The following TCEA3 variants were observed in gnomAD, a reference collection of about 807,000 sequenced individuals.
The protein encoded by TCEA3 is transcription elongation factor A protein 3.
Under a neutral mutation model 44.0 loss-of-function variants are expected in TCEA3, and 36 were observed. The observed-to-expected ratio is 0.82, with a 90% CI of 0.63 to 1.08. The LOEUF (loss-of-function observed/expected upper bound fraction) is 1.08. Among genes scored for constraint, TCEA3 ranks in the 50% least tolerant of loss-of-function variants. The probability of loss-of-function intolerance (pLI) is 0.00; values close to 1 mark genes in which losing one functional copy is unlikely to be tolerated. For missense variants in TCEA3, 392 were observed against 441.2 expected (o/e 0.89, Z 1.00); for synonymous variants, 162 against 159.7 (o/e 1.01, Z -0.11).
chr1:23,403,753 T>C (rs1639462861), intron 5 of TCEA3: 1 of 245,474 alleles, frequency 4.1e-6, no homozygotes, highest in Admixed American at 4.8e-5. Flanking sequence ...ACTGTGTCTT[T>C]AAAAGAGAGG....
chr1:23,416,021 T>C (rs953752979), intron 4 of TCEA3, among the ~76,000 whole-genome samples: 1 of 136,614 alleles, frequency 7.3e-6, no homozygotes, highest in Non-Finnish European at 1.5e-5. Context: ...TTTTTTTTTT[T>C]GTGAGACGGA....
chr1:23,413,224 C>T (rs1324470973), intron 4 of TCEA3, among the ~76,000 whole-genome samples: 1 of 151,854 alleles, frequency 6.6e-6, no homozygotes, highest in East Asian at 1.9e-4. Flanking sequence ...GCAACCTCCT[C>T]CTCCCAGGCT....
chr1:23,403,948 G>A (rs1216707915), intron 5 of TCEA3: 1 of 594,776 alleles, frequency 1.7e-6, no homozygotes, highest in East Asian at 2.8e-5. Flanking sequence ...ACACGCCTGG[G>A]AACTGAGCCA....
chr1:23,405,690 A>G (rs1237447399), intron 5 of TCEA3, among the ~76,000 whole-genome samples: 2 of 152,120 alleles, frequency 1.3e-5, no homozygotes, highest in Non-Finnish European at 2.9e-5. Context: ...TTCTGGAAGG[A>G]CAAACAGATT....
At chr1:23,413,336 G>A (rs1205770205) in intron 4 of TCEA3, among the ~76,000 whole-genome samples, 1 of 151,416 alleles carries the variant, frequency 6.6e-6, no homozygotes, top group Non-Finnish European at 1.5e-5. Flanking sequence ...ATAGGGTTTC[G>A]CCATTGGTCT....
intron 4 of TCEA3, 134 bp from the exon 5 acceptor site, chr1:23,408,860 T>A: frequency 5.3e-6 from 4 of 758,680 alleles, no homozygotes; most frequent in Non-Finnish European, 8.5e-6. Flanking sequence ...CACAGCTACT[T>A]GGGAGAGGGA....
chr1:23,401,548 C>A (rs1362482061), intron 5 of TCEA3, among the ~76,000 whole-genome samples: 3 of 152,064 alleles, frequency 2.0e-5, no homozygotes, highest in African/African-American at 7.2e-5. Context: ...CGTGAACTCG[C>A]GGGGCTGTTG....
intron 4 of TCEA3, among the ~76,000 whole-genome samples, chr1:23,416,418 C>A (rs1460137714): frequency 6.6e-6 from 1 of 152,188 alleles, no homozygotes; most frequent in African/African-American, 2.4e-5. Context: ...AAAAACCCAA[C>A]AATTCAGATT....
chr1:23,398,235 G>A (rs1287095770), intron 5 of TCEA3, among the ~76,000 whole-genome samples: 2 of 152,130 alleles, frequency 1.3e-5, no homozygotes, highest in African/African-American at 2.4e-5. Context: ...ACACATCGAC[G>A]AACCAGTAGA....
At chr1:23,396,837 C>A (rs1180606732) in intron 7 of TCEA3, among the ~76,000 whole-genome samples, 1 of 151,992 alleles carries the variant, frequency 6.6e-6, no homozygotes, top group Non-Finnish European at 1.5e-5. Flanking sequence ...GAAACCCCAT[C>A]CCTACTAAAA....
In TCEA3 at chr1:23,384,401, G is replaced by T. The variant is rs915774068; in HGVS notation, c.983C>A (p.Ala328Asp). Reference protein sequence around the residue: ...CTYNQVQTRSADEPMTTFVLC... With the variant: ...CTYNQVQTRSDDEPMTTFVLC... Reference sequence around the variant, plus strand: ...GACAAAGGTAGTCATGGGCTCATCAGCACTGCGTGTCTGCACCTGAGAGAG... The same window carrying T: ...GACAAAGGTAGTCATGGGCTCATCATCACTGCGTGTCTGCACCTGAGAGAG... The change falls in exon 10 of 11, where the codon GCT becomes GAT. Residue 328 changes from alanine (A) to aspartate (D), a missense_variant. Coordinates refer to ENST00000450454, the MANE Select transcript of TCEA3 (RefSeq NM_003196.3). 5.6e-6 allele frequency: 9 copies of T among 1,613,254 alleles called. No homozygotes were observed. In the African/African-American group the frequency reaches 1.2e-4, roughly 22 times the overall value.
At chr1:23,417,796 T>C (rs1639936198) in intron 3 of TCEA3, 108 bp downstream of exon 3, 3 of 1,007,728 alleles carry the variant, frequency 3.0e-6, no homozygotes, top group Admixed American at 2.3e-5. Flanking sequence ...CTGTCACTGA[T>C]TAAGTCACTC....
chr1:23,402,287 C>T (rs892107706), intron 5 of TCEA3, among the ~76,000 whole-genome samples: 1 of 152,202 alleles, frequency 6.6e-6, no homozygotes, highest in South Asian at 2.1e-4. Flanking sequence ...CTGTAGTGAG[C>T]TGAGATCATG....
intron 8 of TCEA3, among the ~76,000 whole-genome samples, chr1:23,388,913 G>A (rs1207557723): frequency 6.6e-6 from 1 of 152,050 alleles, no homozygotes; most frequent in East Asian, 1.9e-4. Flanking sequence ...GGTCTCCTGA[G>A]CTCAAGTGAT....
At chr1:23,417,663 T>C (rs3795294) in intron 3 of TCEA3, among the ~76,000 whole-genome samples, 16,678 of 152,282 alleles carry the variant, frequency 0.11, 1,150 homozygotes, top group South Asian at 0.26. Context: ...TATAGACAAA[T>C]GCATGAGAGC....
chr1:23,405,594 CA>C (rs66497548), intron 5 of TCEA3, among the ~76,000 whole-genome samples: 129,329 of 146,314 alleles, frequency 0.88, 57,275 homozygotes, highest in East Asian at 0.99. Flanking sequence ...GACTTCATCT[CA>C]AAAAAAAAAA....
chr1:23,420,691 G>A (rs1570298438), intron 1 of TCEA3, among the ~76,000 whole-genome samples: 1 of 152,188 alleles, frequency 6.6e-6, no homozygotes, highest in South Asian at 2.1e-4. Flanking sequence ...AAAGAGAACC[G>A]TTCTAATCTC....
intron 8 of TCEA3, among the ~76,000 whole-genome samples, chr1:23,391,148 CTTT>C (rs59905045): frequency 3.2e-5 from 4 of 126,378 alleles, no homozygotes; most frequent in Admixed American, 8.1e-5. Context: ...TTCTTTCTTT[CTTT>C]TTTTTTTTTT....
intron 8 of TCEA3, among the ~76,000 whole-genome samples, chr1:23,393,320 T>C (rs781082623): frequency 6.6e-5 from 10 of 152,034 alleles, no homozygotes; most frequent in Non-Finnish European, 1.2e-4. Context: ...GCTGGTGGCC[T>C]GAGGGTTAGG....
Sources: allele counts gnomAD v4.1 joint callset (sites outside exome capture counted in the v4.1 genomes callset), GRCh38; gene constraint gnomAD v4.1.1; transcripts MANE v1.5; gene names NCBI Gene and HGNC (gene_info 2026-07-23, HGNC 2026-07-21).